Variants in SGPP1 observed in about 807,000 individuals in gnomAD.
The protein encoded by SGPP1 is hSPP1.
SGPP1 carries 21 observed loss-of-function variants against 33.0 expected under a neutral mutation model. The ratio of observed to expected loss-of-function variants is 0.64; its 90% confidence interval spans 0.45 to 0.92. The LOEUF (loss-of-function observed/expected upper bound fraction) is 0.92. SGPP1 is among the 40% of genes least tolerant of loss of function. The pLI, the probability that SGPP1 is intolerant of heterozygous loss-of-function variation, is 0.00. For synonymous variants in SGPP1, 239 were observed against 241.2 expected, an observed-to-expected ratio of 0.99 and a Z score of 0.08; for missense variants, 543 against 589.4, an observed-to-expected ratio of 0.92 and a Z score of 0.81.
At chr14:63,722,582 T>A (rs113593343) in intron 1 of SGPP1, among the ~76,000 whole-genome samples, 1 of 143,962 alleles carries the variant, frequency 6.9e-6, no homozygotes, top group African/African-American at 2.8e-5. Flanking sequence ...AACATTATTA[T>A]TATAAAATAT....
At chr14:63,706,749 G>A (rs1180781321) in intron 1 of SGPP1, among the ~76,000 whole-genome samples, 1 of 152,046 alleles carries the variant, frequency 6.6e-6, no homozygotes, top group Non-Finnish European at 1.5e-5. Context: ...ATAATAAATT[G>A]CAATCTGAAA....
At chr14:63,687,897 G>C (rs918097518) in intron 2 of SGPP1, among the ~76,000 whole-genome samples, 6 of 152,098 alleles carry the variant, frequency 3.9e-5, no homozygotes, top group Admixed American at 6.5e-5. Flanking sequence ...GAGGCGGGTG[G>C]ATCACCTGAG....
chr14:63,693,635 A>G lies in SGPP1; in HGVS notation c.774+4934T>C, dbSNP rs529392252. Among the ~76,000 whole-genome samples the G allele has an allele frequency of 3.3e-5, 5 of 152,226 alleles. No homozygotes were observed. In the South Asian group the frequency reaches 1.0e-3, roughly 32 times the overall value. On this transcript the variant is annotated intron_variant, in intron 2 of 2. Coordinates refer to ENST00000247225, the MANE Select transcript of SGPP1 (RefSeq NM_030791.4). ...TAATTATTTTTATTTTTATTTTTAG[A>G]TAGGATCTTGCTCTGTTGCCCAGGC...
rs542857736 is a variant in SGPP1, at chr14:63,692,651, T to C, written c.774+5918A>G. ...TTTTTTTGTAGAGACAGGCTTTCCC[T>C]ATGTTGCTCAGGCTGGTCTTGAACT... On this transcript the variant is annotated intron_variant, in intron 2 of 2. Transcript: ENST00000247225. 2.0e-5 allele frequency among the ~76,000 whole-genome samples: 3 copies of C among 152,014 alleles called. No individual in the cohort carries two copies. In the East Asian group the frequency reaches 5.9e-4, roughly 30 times the overall value.
intron 1 of SGPP1, among the ~76,000 whole-genome samples, chr14:63,701,231 G>A (rs1237085033): frequency 2.0e-5 from 3 of 152,016 alleles, no homozygotes; most frequent in Admixed American, 6.6e-5. Context: ...CAATTCACCC[G>A]CCTTGGCCTC....
At chr14:63,705,222 T>C (rs1885384287) in intron 1 of SGPP1, among the ~76,000 whole-genome samples, 1 of 148,554 alleles carries the variant, frequency 6.7e-6, no homozygotes, top group African/African-American at 2.5e-5. Flanking sequence ...GAGAAAGTAT[T>C]TGCAAATGAT....
At chr14:63,721,121 G>A (rs775154486) in intron 1 of SGPP1, among the ~76,000 whole-genome samples, 8 of 152,164 alleles carry the variant, frequency 5.3e-5, no homozygotes, top group Non-Finnish European at 1.2e-4. Context: ...GACCTCAGGC[G>A]ATCCGTTCGT....
chr14:63,708,473 AG>A (rs1248530134), intron 1 of SGPP1, among the ~76,000 whole-genome samples: 6 of 149,952 alleles, frequency 4.0e-5, no homozygotes, highest in Non-Finnish European at 8.9e-5. Context: ...CATATTGGCC[AG>A]GCTTGTCTCG....
rs1595059038 is a variant in SGPP1 at position 63,685,201 on chromosome 14, A to T, written c.*904T>A. 1 of 152,514 alleles carries T rather than the reference A, an allele frequency of 6.6e-6. No individual in the cohort carries two copies. The highest frequency in any genetic ancestry group is 1.5e-5 in the Non-Finnish European group (1 of 67,924). The allele number at this position is 152,514 out of a possible 1,614,324, so 9.4% of individuals were successfully genotyped here. On this transcript the variant is annotated 3_prime_UTR_variant, in exon 3 of 3. Transcript: ENST00000247225. ...GCCCATTCCACATTTCTTTCTAAAT[A>T]AAGGCTAAAGAGTTAAGGGTAATTT... is the stretch of plus-strand genomic sequence containing the variant.
chr14:63,706,877 T>C (rs1885418575), intron 1 of SGPP1, among the ~76,000 whole-genome samples: 1 of 151,968 alleles, frequency 6.6e-6, no homozygotes, highest in Admixed American at 6.6e-5. Flanking sequence ...ACCTTGTCTC[T>C]ACTAAAAATA....
In SGPP1 at chr14:63,686,295, A is replaced by C. The variant is rs776733893; in HGVS notation, c.1136T>G (p.Ile379Ser). 1.9e-6 allele frequency: 3 copies of C among 1,614,078 alleles called. No individual in the cohort carries two copies. In the East Asian group the frequency reaches 6.7e-5, roughly 36 times the overall value. The part of the protein sequence containing the change: ...ILIGMVFVLI[I>S]RDVMKKITIP... ...GGTGATCTTTTTCATTACATCTCTG[A>C]TTATTAGTACAAATACCATCCCTAT... Residue 379 changes from isoleucine (I) to serine (S), a missense_variant, in exon 3 of 3, where the codon ATC becomes AGC. Coordinates refer to ENST00000247225, the MANE Select transcript of SGPP1 (RefSeq NM_030791.4).
chr14:63,688,314 T>TC (rs1555378841), intron 2 of SGPP1, among the ~76,000 whole-genome samples: 3 of 33,914 alleles, frequency 8.8e-5, no homozygotes, highest in South Asian at 2.1e-3. Context: ...AGACTCTGTC[T>TC]CAAAAAAAAA....
intron 1 of SGPP1, among the ~76,000 whole-genome samples, chr14:63,718,994 A>ATATATATG (rs1425899231): frequency 5.5e-5 from 1 of 18,124 alleles, no homozygotes; most frequent in Non-Finnish European, 1.1e-4. Context: ...ATATATATAT[A>ATATATATG]TATATATATA....
In SGPP1 at chr14:63,686,557, G is replaced by T. The variant is rs760354451; in HGVS notation, c.874C>A (p.Pro292Thr). Residue 292 changes from proline to threonine, a missense_variant, in exon 3 of 3, where the codon CCA (proline) becomes ACA (threonine). By Grantham distance (38) the Pro-to-Thr change is conservative. Transcript: ENST00000247225. Reference sequence around the variant, plus strand: ...AAATGAAGCCCGATGATGATGAATGGAGCATATTTGTGAGTTTGGTTGAAG... The same window carrying T: ...AAATGAAGCCCGATGATGATGAATGTAGCATATTTGTGAGTTTGGTTGAAG... The part of the protein sequence containing the change: ...DNFNQTHKYA[P>T]FIIIGLHLAL... The T allele has an allele frequency of 1.5e-5, 25 of 1,613,914 alleles. No homozygotes were observed. The highest frequency in any genetic ancestry group is 1.9e-5 in the Non-Finnish European group (22 of 1,179,990).
At chr14:63,714,411 CTT>C (rs1270676386) in intron 1 of SGPP1, among the ~76,000 whole-genome samples, 1 of 152,018 alleles carries the variant, frequency 6.6e-6, no homozygotes, top group African/African-American at 2.4e-5. Flanking sequence ...TTTTTTAACT[CTT>C]TATTTTTTTT....
In SGPP1 at chr14:63,718,992, ATATATATATATATATATATATATTTTTTT is replaced by A. The variant is rs1885694764; in HGVS notation, c.684+8240_684+8268del. Among the ~76,000 whole-genome samples the A allele has an allele frequency of 2.4e-4, 4 of 16,588 alleles. No homozygotes were observed. In the East Asian group the frequency reaches 3.9e-3, roughly 16 times the overall value. 10.9% of individuals were successfully genotyped at this position (16,588 alleles called of 152,430 possible). ...TATGTATATACATATATATATATAT[ATATATATATATATATATATATATTTTTTT>A]TTTTTTTTTTTTTTTTTTTTTTTGA... is the stretch of plus-strand genomic sequence containing the variant. On this transcript the variant is annotated intron_variant, in intron 1 of 2. Transcript: ENST00000247225.
chr14:63,727,209 C>T (rs1885900226), intron 1 of SGPP1, 52 bp downstream of exon 1: 1 of 1,522,622 alleles, frequency 6.6e-7, no homozygotes, highest in South Asian at 1.3e-5. Context: ...GCAAAGAGAA[C>T]TCCGAGTTCT....
intron 1 of SGPP1, among the ~76,000 whole-genome samples, chr14:63,726,057 C>T (rs921108021): frequency 7.2e-5 from 11 of 152,320 alleles, no homozygotes; most frequent in African/African-American, 1.2e-4. Context: ...CTCTTTCCTC[C>T]TAATTCTGCC....
At chr14:63,716,121 T>C (rs1258890381) in intron 1 of SGPP1, among the ~76,000 whole-genome samples, 1 of 152,094 alleles carries the variant, frequency 6.6e-6, no homozygotes, top group African/African-American at 2.4e-5. Flanking sequence ...GAAAATATGA[T>C]CTATAATCAG....
Sources: gnomAD v4.1 joint callset for allele counts (sites outside exome capture counted in the v4.1 genomes callset) on GRCh38, gnomAD v4.1.1 for gene constraint, MANE v1.5 for transcripts, NCBI Gene and HGNC (gene_info 2026-07-23, HGNC 2026-07-21) for gene names.